The following FAIM variants were observed in gnomAD, a reference collection of about 807,000 sequenced individuals.
FAIM encodes Fas apoptotic inhibitory molecule, also known as fas apoptotic inhibitory molecule 1.
Under a neutral mutation model 21.2 loss-of-function variants are expected in FAIM, and 14 were observed. The ratio of observed to expected loss-of-function variants is 0.66; its 90% CI spans 0.44 to 1.03. The LOEUF (loss-of-function observed/expected upper bound fraction) is 1.03. Among genes scored for constraint, FAIM ranks in the 50% least tolerant of loss-of-function variants. FAIM has a pLI of 0.00. For synonymous variants in FAIM, 86 were observed against 80.4 expected, an observed-to-expected ratio of 1.07 and a Z score of -0.37; for missense variants, 222 against 247.1, an observed-to-expected ratio of 0.90 and a Z score of 0.68.
At chr3:138,609,603 T>C (rs1174491781) in intron 1 of FAIM, among the ~76,000 whole-genome samples, 28 of 84,812 alleles carry the variant, frequency 3.3e-4, no homozygotes, top group South Asian at 4.6e-4. Flanking sequence ...ACTCTCTCTC[T>C]CTCTCTCTCG....
intron 2 of FAIM, among the ~76,000 whole-genome samples, chr3:138,620,114 T>C (rs932172376): frequency 6.6e-6 from 1 of 152,214 alleles, no homozygotes; most frequent in African/African-American, 2.4e-5. Flanking sequence ...AAGATGTAGT[T>C]AAGAGAACAG....
Position 138,610,833 on chromosome 3 carries a change from T to G in FAIM, c.-17+1896T>G. 5 of 761,708 alleles carry G rather than the reference T, an allele frequency of 6.6e-6. No homozygotes were observed. The South Asian group carries it at 8.1e-5, about 12-fold the overall frequency. The allele number at this position is 761,708 out of a possible 1,614,324, so 47.2% of individuals were successfully genotyped here. A position where few individuals can be genotyped will look rare whatever the true frequency, so the allele number is the denominator to read the frequency against. On this transcript the variant is annotated intron_variant, in intron 1 of 5. Transcript: ENST00000360570. ...ATTGACCTCAAGTGATCCGACCGCCTTGACCTCCCAAAGTGCTGGGATTAC... is the reference window on the plus strand; with the variant it reads ...ATTGACCTCAAGTGATCCGACCGCCGTGACCTCCCAAAGTGCTGGGATTAC...
At chr3:138,609,578 ACTCTCTCTCTCTCGACTCTCTCTCTCT>A (rs2042740137) in intron 1 of FAIM, among the ~76,000 whole-genome samples, 1 of 4,700 alleles carries the variant, frequency 2.1e-4, no homozygotes, top group Non-Finnish European at 4.1e-4. Context: ...CTCTCTCTCG[ACTCTCTCTCTCTCGACTCTCTCTCTCT>A]CTCTCTCGAC....
At chr3:138,631,200 G>A (rs1003970313) in intron 5 of FAIM, 17 of 151,574 alleles carry the variant, frequency 1.1e-4, no homozygotes, top group African/African-American at 4.1e-4. Context: ...GATCATTTGA[G>A]GCCAGGAGCT....
rs1470928947 is a variant in FAIM, at chr3:138,621,289, TCACTTTAATA to T, written c.45-117_45-108del. ...TGTGAGTAGAATTTCTTAGGTACTG[TCACTTTAATA>T]TTTTGACATTTTAGAGGTTTTAATC... On this transcript the variant is annotated intron_variant, in intron 2 of 5. Transcript: ENST00000360570. 25 of 1,061,498 alleles carry T rather than the reference TCACTTTAATA, an allele frequency of 2.4e-5. 1 individual carries two copies. In the Admixed American group the frequency reaches 4.3e-4, roughly 18 times the overall value. 65.8% of individuals were successfully genotyped at this position (1,061,498 alleles called of 1,614,324 possible).
intron 1 of FAIM, among the ~76,000 whole-genome samples, chr3:138,610,381 T>G (rs913398575): frequency 1.3e-5 from 2 of 152,214 alleles, no homozygotes; most frequent in African/African-American, 4.8e-5. Flanking sequence ...GTAAAAAGTT[T>G]CAAGTGCTTG....
At chr3:138,622,948 G>A (rs1346637729) in intron 4 of FAIM, among the ~76,000 whole-genome samples, 2 of 151,462 alleles carry the variant, frequency 1.3e-5, no homozygotes, top group African/African-American at 4.9e-5. Flanking sequence ...CTGAGGCAGG[G>A]GAAATCACTT....
chr3:138,617,308 A>G (rs2042834782), intron 1 of FAIM, among the ~76,000 whole-genome samples: 1 of 150,408 alleles, frequency 6.6e-6, no homozygotes, highest in African/African-American at 2.4e-5. Context: ...ACCCCTAAAT[A>G]CATTCTGATT....
Position 138,611,280 on chromosome 3 carries a change from G to C in FAIM, c.-17+2343G>C, listed in dbSNP as rs567049905. Among the ~76,000 whole-genome samples, 42 of 141,502 alleles carry C rather than the reference G, an allele frequency of 3.0e-4. No individual in the cohort carries two copies. The South Asian group carries it at 9.3e-3, about 31-fold the overall frequency. The allele number at this position is 141,502 out of a possible 152,430, so 92.8% of individuals were successfully genotyped here. A position where few individuals can be genotyped will look rare whatever the true frequency, so the allele number is the denominator to read the frequency against. ...CACCTGCATTTTTTTTTCTTTTTTT[G>C]TTTTTTTTTTTAACAACGTTACTGA... On this transcript the variant is annotated intron_variant, in intron 1 of 5. Transcript: ENST00000360570.
intron 1 of FAIM, among the ~76,000 whole-genome samples, chr3:138,618,591 C>G (rs1348681716): frequency 6.6e-6 from 1 of 152,144 alleles, no homozygotes; most frequent in Non-Finnish European, 1.5e-5. Flanking sequence ...TTGCCTGAAC[C>G]CAGGAGGCAG....
chr3:138,617,403 A>G (rs1034610392), intron 1 of FAIM, among the ~76,000 whole-genome samples: 17 of 146,226 alleles, frequency 1.2e-4, no homozygotes, highest in African/African-American at 3.9e-4. Flanking sequence ...TATATATTAT[A>G]TATAATATGT....
intron 4 of FAIM, among the ~76,000 whole-genome samples, chr3:138,625,462 C>CA (rs34565996): frequency 4.2e-4 from 59 of 142,114 alleles, no homozygotes; most frequent in Middle Eastern, 3.6e-3. Flanking sequence ...GACTCTGTCT[C>CA]AAAAAAAAAA....
intron 1 of FAIM, among the ~76,000 whole-genome samples, chr3:138,618,796 A>ACTGT (rs2042855125): frequency 6.6e-6 from 1 of 152,250 alleles, no homozygotes; most frequent in African/African-American, 2.4e-5. Context: ...GGCACTAATT[A>ACTGT]AGGAAAGGGC....
intron 4 of FAIM, among the ~76,000 whole-genome samples, chr3:138,624,566 G>C (rs2042921037): frequency 6.6e-6 from 1 of 152,178 alleles, no homozygotes; most frequent in Admixed American, 6.5e-5. Context: ...GACCAGAGTT[G>C]TTTACTGAGG....
intron 3 of FAIM, among the ~76,000 whole-genome samples, chr3:138,621,982 C>G (rs919686306): frequency 2.0e-5 from 3 of 151,834 alleles, no homozygotes; most frequent in African/African-American, 7.3e-5. Context: ...CGGGGTTTCA[C>G]TGTTGGCCAG....
chr3:138,632,365 A>G (rs528965244), intron 5 of FAIM, among the ~76,000 whole-genome samples: 284 of 152,086 alleles, frequency 1.9e-3, no homozygotes, highest in African/African-American at 6.5e-3. Context: ...CAGCATATCT[A>G]TTTTCAGACT....
chr3:138,627,182 CTTTTTTT>C (rs1188996564), intron 4 of FAIM, among the ~76,000 whole-genome samples: 2 of 141,764 alleles, frequency 1.4e-5, no homozygotes, highest in Non-Finnish European at 3.1e-5. Flanking sequence ...GGCTTTTTTA[CTTTTTTT>C]TTTTTTTCCC....
Sources: allele counts gnomAD v4.1 joint callset (sites outside exome capture counted in the v4.1 genomes callset), GRCh38; gene constraint gnomAD v4.1.1; transcripts MANE v1.5; gene names NCBI Gene and HGNC (gene_info 2026-07-23, HGNC 2026-07-21).